POLQ: variants seen among roughly 807,000 people sequenced by gnomAD.
POLQ encodes the protein epididymis secretory sperm binding protein.
A neutral mutation model predicts 259.2 loss-of-function variants in POLQ; 233 were observed. That is an observed-to-expected ratio of 0.90 (90% CI 0.81 to 1.00). The LOEUF (loss-of-function observed/expected upper bound fraction) is 1.00. POLQ is among the 50% of genes least tolerant of loss of function. POLQ has a pLI of 0.00. For missense variants in POLQ, 2,871 were observed against 3,051.6 expected (o/e 0.94, Z 1.39); for synonymous variants, 1,025 against 1,048.8 (o/e 0.98, Z 0.44).
At chr3:121,479,848 A>C (rs908186680) in intron 19 of POLQ, among the ~76,000 whole-genome samples, 58 of 152,218 alleles carry the variant, frequency 3.8e-4, no homozygotes, top group African/African-American at 1.4e-3. Flanking sequence ...CTACAAAATA[A>C]AGTCAGGGGA....
chr3:121,494,595 C>G (rs2048100308), intron 14 of POLQ: 8 of 1,551,236 alleles, frequency 5.2e-6, no homozygotes, highest in Non-Finnish European at 7.0e-6. Flanking sequence ...AACGCGGATC[C>G]CATCAAGCTG....
intron 9 of POLQ, among the ~76,000 whole-genome samples, chr3:121,519,467 A>T (rs1576424452): frequency 6.7e-6 from 1 of 149,034 alleles, no homozygotes; most frequent in Non-Finnish European, 1.5e-5. Flanking sequence ...CGAGGCCAGG[A>T]GATCGAGACC....
rs559154259 is a variant in POLQ at position 121,453,645 on chromosome 3, G to A, written c.7153-4219C>T. 6.9e-4 allele frequency among the ~76,000 whole-genome samples: 102 copies of A among 147,956 alleles called. 3 individuals carry two copies. In the South Asian group the frequency reaches 0.021, roughly 31 times the overall value. On this transcript the variant is annotated intron_variant, in intron 25 of 29. Coordinates refer to ENST00000264233, the MANE Select transcript of POLQ (RefSeq NM_199420.4). Reference sequence around the variant, plus strand: ...AACTGGAAGAAAGGGTATCAGTGATGGAAGATGAAATGAAGCGAGAAGGGA... The same window carrying A: ...AACTGGAAGAAAGGGTATCAGTGATAGAAGATGAAATGAAGCGAGAAGGGA...
At position 121,489,422 on chromosome 3, in the gene POLQ, T is replaced by C; in HGVS notation, c.3509A>G (p.Glu1170Gly). The change falls in exon 16 of 30, where the codon GAA (glutamate) becomes GGA (glycine). Residue 1170 changes from glutamate to glycine, a missense_variant. Glu to Gly is a moderately conservative substitution (Grantham distance 98). Coordinates refer to ENST00000264233, the MANE Select transcript of POLQ (RefSeq NM_199420.4). Reference sequence around the variant, plus strand: ...TTTTGAACCATTTTGTATCAGCACTTCATTTATTTTTTCTGCCTCAACAGC... The same window carrying C: ...TTTTGAACCATTTTGTATCAGCACTCCATTTATTTTTTCTGCCTCAACAGC... Reference protein sequence around the residue: ...GVAVEAEKINEVLIQNGSKNQ... With the variant: ...GVAVEAEKINGVLIQNGSKNQ... 1 of 1,614,042 alleles carries C rather than the reference T, an allele frequency of 6.2e-7. No individual in the cohort carries two copies. The highest frequency in any genetic ancestry group is 1.1e-5 in the South Asian group (1 of 91,030).
intron 9 of POLQ, 93 bp from the exon 10 acceptor site, chr3:121,512,122 G>T: frequency 2.8e-6 from 3 of 1,059,066 alleles, no homozygotes; most frequent in Non-Finnish European, 4.1e-6. Context: ...TTGCTTAAAA[G>T]CAGACAAGAG....
At chr3:121,453,260 C>A (rs1483424015) in intron 25 of POLQ, among the ~76,000 whole-genome samples, 2 of 152,008 alleles carry the variant, frequency 1.3e-5, no homozygotes, top group African/African-American at 4.8e-5. Context: ...CATCAAAGAC[C>A]AAAAGTAGAT....
chr3:121,487,241 CTTA>C, intron 16 of POLQ, 58 bp downstream of exon 16: 1 of 868,530 alleles, frequency 1.2e-6, no homozygotes, highest in East Asian at 2.7e-5. Context: ...AAATCTAACT[CTTA>C]TCTCAGTCTA....
chr3:121,452,070 A>T (rs370978681), intron 25 of POLQ, among the ~76,000 whole-genome samples: 1 of 152,180 alleles, frequency 6.6e-6, no homozygotes, highest in Non-Finnish European at 1.5e-5. Context: ...CTCCATGGAC[A>T]TGGTAGCCTC....
At chr3:121,478,084 T>C (rs2108792854) in intron 19 of POLQ, among the ~76,000 whole-genome samples, 1 of 152,266 alleles carries the variant, frequency 6.6e-6, no homozygotes, top group South Asian at 2.1e-4. Flanking sequence ...GCAAGGTCGT[T>C]ATGGGAATGG....
chr3:121,447,454 C>T (rs112723887), intron 26 of POLQ, among the ~76,000 whole-genome samples: 2,670 of 152,152 alleles, frequency 0.018, 71 homozygotes, highest in African/African-American at 0.059. Context: ...TGACCCACCG[C>T]GCCTGGCCCA....
chr3:121,472,196 C>G (rs189541507), intron 21 of POLQ, 32 bp from the exon 22 acceptor site: 100 of 1,091,920 alleles, frequency 9.2e-5, no homozygotes, highest in Non-Finnish European at 1.2e-4. Context: ...AGATTGAATT[C>G]TTGTCCAAAT....
At chr3:121,453,820 C>G (rs1374266207) in intron 25 of POLQ, among the ~76,000 whole-genome samples, 1 of 152,134 alleles carries the variant, frequency 6.6e-6, no homozygotes, top group Admixed American at 6.5e-5. Context: ...GGATATAATC[C>G]AGGAGAACTT....
At chr3:121,479,034 G>A (rs982938572) in intron 19 of POLQ, among the ~76,000 whole-genome samples, 6 of 152,156 alleles carry the variant, frequency 3.9e-5, no homozygotes, top group South Asian at 2.1e-4. Flanking sequence ...ATAATGAATC[G>A]TTGGCTAAAA....
chr3:121,488,790 G>C lies in POLQ; in HGVS notation c.4141C>G (p.Pro1381Ala), dbSNP rs3218642. 6.2e-7 allele frequency: 1 copy of C among 1,613,780 alleles called. No homozygotes were observed. The highest frequency in any genetic ancestry group is 1.1e-5 in the South Asian group (1 of 91,020). Residue 1381 changes from proline (P) to alanine (A), a missense_variant, in exon 16 of 30, where the codon CCT becomes GCT. Coordinates refer to ENST00000264233, the MANE Select transcript of POLQ (RefSeq NM_199420.4). ...TGATCTATCTTAGTCGCTCCTAGAG[G>C]GTGCTGTTCAGCAGGAAAAGGAATG... ...CHIPFPAEQH[P>A]LGATKIDHLD...
chr3:121,497,384 A>G (rs1164614312), intron 13 of POLQ, among the ~76,000 whole-genome samples: 1 of 152,252 alleles, frequency 6.6e-6, no homozygotes, highest in African/African-American at 2.4e-5. Context: ...TTTATACTTA[A>G]CCATATTATA....
chr3:121,476,548 T>C lies in POLQ; in HGVS notation c.6397A>G (p.Ile2133Val). 2 of 1,611,772 alleles carry C rather than the reference T, an allele frequency of 1.2e-6. No homozygotes were observed. The highest frequency in any genetic ancestry group is 1.7e-6 in the Non-Finnish European group (2 of 1,178,666). The change falls in exon 20 of 30, where the codon ATC becomes GTC. Residue 2133 changes from isoleucine (I) to valine (V), a missense_variant. Around this residue, in one of 3 missense-constraint regions of POLQ, gnomAD observed 2,080 missense variants for 2,126.0 expected, o/e 0.98. Transcript: ENST00000264233. ...HSFSFTSSDD[I>V]AEVLFLELKL... The stretch of plus-strand genomic sequence containing the variant: ...TAGCCCCATGATACAACCTCAGCGA[T>C]GTCATCTGAACTGGTGAAAGAAAAA...
intron 24 of POLQ, among the ~76,000 whole-genome samples, chr3:121,466,375 A>G (rs2047836530): frequency 6.8e-6 from 1 of 147,130 alleles, no homozygotes; most frequent in African/African-American, 2.5e-5. Context: ...AAAAAAAAAA[A>G]AAAAAAAGAA....
intron 15 of POLQ, among the ~76,000 whole-genome samples, chr3:121,490,926 G>A (rs1029930258): frequency 6.6e-6 from 1 of 151,910 alleles, no homozygotes; most frequent in Non-Finnish European, 1.5e-5. Context: ...ATGGTAGCGG[G>A]TACCTGTAAT....
chr3:121,523,436 G>A (rs938061274), intron 7 of POLQ, among the ~76,000 whole-genome samples: 2 of 152,066 alleles, frequency 1.3e-5, no homozygotes, highest in Non-Finnish European at 2.9e-5. Flanking sequence ...ATATGGCTGG[G>A]CACGGTGGCT....
Sources: gnomAD v4.1 joint callset for allele counts (sites outside exome capture counted in the v4.1 genomes callset) on GRCh38, gnomAD v4.1.1 for gene constraint, gnomAD v4.1.1 regional missense constraint, MANE v1.5 for transcripts, NCBI Gene and HGNC (gene_info 2026-07-23, HGNC 2026-07-21) for gene names.